Variants in NAP1L1 observed in about 807,000 individuals in gnomAD.
The protein encoded by NAP1L1 is nucleosome assembly protein 1 like 1, also known as nucleosome assembly protein 1-like 1.
A neutral mutation model predicts 58.9 loss-of-function variants in NAP1L1; 9 were observed. That is an observed-to-expected ratio of 0.15 (90% confidence interval 0.09 to 0.27). The LOEUF is 0.27. NAP1L1 is among the 10% of genes least tolerant of loss of function. The probability of loss-of-function intolerance (pLI) is 1.00; values close to 1 mark genes in which losing one functional copy is unlikely to be tolerated. For missense variants in NAP1L1, 302 were observed against 458.8 expected (o/e 0.66, Z 3.12); for synonymous variants, 130 against 138.3 (o/e 0.94, Z 0.42).
At chr12:76,049,816 G>A (rs751061280) in intron 12 of NAP1L1, 31 bp from the exon 13 acceptor site, 2 of 1,610,878 alleles carry the variant, frequency 1.2e-6, no homozygotes, top group South Asian at 2.2e-5. Context: ...TAAGTGTTGA[G>A]TGAATGTAAC....
chr12:76,054,125 AT>A (rs1948966261), intron 8 of NAP1L1, among the ~76,000 whole-genome samples: 2 of 152,174 alleles, frequency 1.3e-5, no homozygotes, highest in African/African-American at 4.8e-5. Flanking sequence ...TGCCTCCCAG[AT>A]TCAAGTGATT....
Position 76,053,760 on chromosome 12 carries a change from T to C in NAP1L1, c.770+10A>G. 1 of 1,601,782 alleles carries C rather than the reference T, an allele frequency of 6.2e-7. No individual in the cohort carries two copies. The highest frequency in any genetic ancestry group is 1.1e-5 in the South Asian group (1 of 88,494). ...AAAACATTTTGTTAAGGTAGTAAAA[T>C]TAAACTCACCCTGTACAACCCATAA... On this transcript the variant is annotated intron_variant, in intron 9 of 14. Transcript: ENST00000618691.
chr12:76,057,861 CAA>C (rs1313575313), intron 6 of NAP1L1: 1 of 1,481,452 alleles, frequency 6.8e-7, no homozygotes, highest in East Asian at 2.4e-5. Flanking sequence ...AACAAAAAAA[CAA>C]AGACGGTACC....
chr12:76,080,973 C>T (rs1406664843), intron 1 of NAP1L1, among the ~76,000 whole-genome samples: 1 of 152,168 alleles, frequency 6.6e-6, no homozygotes, highest in African/African-American at 2.4e-5. Context: ...ATGTGATACC[C>T]TGTACTGCCT....
At chr12:76,081,827 G>A (rs928137595) in intron 1 of NAP1L1, among the ~76,000 whole-genome samples, 2 of 152,144 alleles carry the variant, frequency 1.3e-5, no homozygotes, top group African/African-American at 4.8e-5. Flanking sequence ...AACTTATTTA[G>A]ATGAAACTAG....
At position 76,068,735 on chromosome 12, in the gene NAP1L1, TACACACACACACACAC is replaced by T. The variant is rs35120003; in HGVS notation, c.103+158_103+173del. Reference sequence around the variant, plus strand: ...GCTGTATCTATACCTACCCGCCCCTTACACACACACACACACACACACACACACACACACACACACA... The same window carrying T: ...GCTGTATCTATACCTACCCGCCCCTTACACACACACACACACACACACACA... On this transcript the variant is annotated intron_variant, in intron 3 of 14. Coordinates refer to ENST00000618691, the MANE Select transcript of NAP1L1 (RefSeq NM_004537.7). The T allele has an allele frequency of 8.1e-3, 2,391 of 294,938 alleles. 50 individuals carry two copies. Among genetic ancestry groups the T allele is most frequent in the African/African-American group, 0.059 (2,064 of 35,132 alleles). 18.3% of individuals were successfully genotyped at this position (294,938 alleles called of 1,614,324 possible).
intron 1 of NAP1L1, among the ~76,000 whole-genome samples, chr12:76,084,287 G>A (rs1021928979): frequency 3.3e-5 from 5 of 152,142 alleles, no homozygotes; most frequent in African/African-American, 9.6e-5. Context: ...CGGAAAAGAC[G>A]GTGGAGCTCA....
At chr12:76,070,509 C>T (rs1423258628) in intron 2 of NAP1L1, among the ~76,000 whole-genome samples, 4 of 152,172 alleles carry the variant, frequency 2.6e-5, no homozygotes, top group Admixed American at 6.5e-5. Context: ...CTCCTCCTCT[C>T]GTGTCTTTAA....
chr12:76,078,770 C>CCA (rs1209522879), intron 1 of NAP1L1, among the ~76,000 whole-genome samples: 1 of 152,064 alleles, frequency 6.6e-6, no homozygotes, highest in Non-Finnish European at 1.5e-5. Context: ...TATGGCAGAG[C>CCA]CACAGAATCT....
chr12:76,058,091 T>A, intron 6 of NAP1L1: 1 of 757,592 alleles, frequency 1.3e-6, no homozygotes, highest in East Asian at 2.5e-5. Context: ...CAGAAGTAGA[T>A]GATGACAGCA....
intron 6 of NAP1L1, 52 bp from the exon 7 acceptor site, chr12:76,056,213 TA>T: frequency 6.4e-7 from 1 of 1,557,586 alleles, no homozygotes; most frequent in Non-Finnish European, 8.7e-7. Context: ...GACCTCATGA[TA>T]AAGTAGCAAA....
chr12:76,066,878 T>C (rs1949701378), intron 4 of NAP1L1, among the ~76,000 whole-genome samples: 1 of 151,992 alleles, frequency 6.6e-6, no homozygotes, highest in South Asian at 2.1e-4. Flanking sequence ...GATAAATAAG[T>C]CCATCATAGG....
chr12:76,065,669 A>C (rs1293367074), intron 4 of NAP1L1, among the ~76,000 whole-genome samples: 1 of 152,138 alleles, frequency 6.6e-6, no homozygotes, highest in East Asian at 1.9e-4. Context: ...ATAACTTTGA[A>C]ACTAAAGACA....
chr12:76,079,215 A>C (rs73385472), intron 1 of NAP1L1, among the ~76,000 whole-genome samples: 6,033 of 152,220 alleles, frequency 0.04, 391 homozygotes, highest in African/African-American at 0.14. Context: ...ACTATCCCCA[A>C]CCAAAACATC....
At chr12:76,075,302 C>A (rs1286692773) in intron 1 of NAP1L1, among the ~76,000 whole-genome samples, 5 of 152,058 alleles carry the variant, frequency 3.3e-5, no homozygotes, top group African/African-American at 9.7e-5. Flanking sequence ...TACAGCAAGA[C>A]CCTGTCTCTA....
At chr12:76,068,013 T>A (rs1445548744) in intron 3 of NAP1L1, among the ~76,000 whole-genome samples, 2 of 152,212 alleles carry the variant, frequency 1.3e-5, no homozygotes, top group Non-Finnish European at 2.9e-5. Flanking sequence ...AAACAAAATG[T>A]GGTTTTCAAT....
intron 5 of NAP1L1, 59 bp downstream of exon 5, chr12:76,060,079 A>T: frequency 6.5e-7 from 1 of 1,548,198 alleles, no homozygotes; most frequent in Non-Finnish European, 8.8e-7. Context: ...AAGTCTGCTT[A>T]TGTTTCTAGA....
intron 2 of NAP1L1, among the ~76,000 whole-genome samples, chr12:76,071,750 T>C (rs1949961947): frequency 6.6e-6 from 1 of 152,174 alleles, no homozygotes; most frequent in African/African-American, 2.4e-5. Flanking sequence ...TTAGATCTTC[T>C]CTACACTAGC....
At chr12:76,066,122 A>AAAT (rs1410245410) in intron 4 of NAP1L1, among the ~76,000 whole-genome samples, 1 of 122,332 alleles carries the variant, frequency 8.2e-6, no homozygotes, top group Non-Finnish European at 1.7e-5. Context: ...ATAAATAAAT[A>AAAT]AATAAATAAA....
Sources: gnomAD v4.1 joint callset for allele counts (sites outside exome capture counted in the v4.1 genomes callset) on GRCh38, gnomAD v4.1.1 for gene constraint, MANE v1.5 for transcripts, NCBI Gene and HGNC (gene_info 2026-07-23, HGNC 2026-07-21) for gene names.